VTCN1: variants seen among roughly 807,000 people sequenced by gnomAD.
The protein encoded by VTCN1 is V-set domain containing T cell activation inhibitor 1, also known as V-set domain-containing T-cell activation inhibitor 1.
In VTCN1, 26 loss-of-function variants were observed where a neutral mutation model predicts 26.5. That is an observed-to-expected ratio of 0.98 (90% CI 0.72 to 1.36). The LOEUF is 1.36. Ranked by LOEUF, VTCN1 falls within the 40% of genes most tolerant of loss-of-function variation. The probability of loss-of-function intolerance (pLI) is 0.00; values close to 1 mark genes in which losing one functional copy is unlikely to be tolerated. For synonymous variants in VTCN1, 116 were observed against 130.7 expected, an observed-to-expected ratio of 0.89 and a Z score of 0.77; for missense variants, 298 against 337.7, an observed-to-expected ratio of 0.88 and a Z score of 0.92.
chr1:117,206,083 G>T (rs1204619104), intron 1 of VTCN1, among the ~76,000 whole-genome samples: 1 of 151,968 alleles, frequency 6.6e-6, no homozygotes, highest in East Asian at 1.9e-4. Flanking sequence ...AGCATCCTCA[G>T]GTTTAGAGAA....
Position 117,147,517 on chromosome 1 carries a change from T to C in VTCN1, c.*45+96A>G. On this transcript the variant is annotated intron_variant, in intron 5 of 5. Transcript: ENST00000369458. The surrounding 1 kb of genome is among the most constrained non-coding windows in gnomAD (Gnocchi z 4.6). Reference sequence around the variant, plus strand: ...TCACAGCCCTGGTGTCATTAAATGTTTCTTTCTGTGGCTGATGCTGAAGGC... The same window carrying C: ...TCACAGCCCTGGTGTCATTAAATGTCTCTTTCTGTGGCTGATGCTGAAGGC... 1 of 1,051,944 alleles carries C rather than the reference T, an allele frequency of 9.5e-7. No individual in the cohort carries two copies. Among genetic ancestry groups the C allele is most frequent in the Non-Finnish European group, 1.3e-6 (1 of 746,758 alleles). The allele number at this position is 1,051,944 out of a possible 1,614,324, so 65.2% of individuals were successfully genotyped here.
At chr1:117,190,966 T>C (rs1648215872) in intron 1 of VTCN1, among the ~76,000 whole-genome samples, 1 of 152,038 alleles carries the variant, frequency 6.6e-6, no homozygotes, top group African/African-American at 2.4e-5. Flanking sequence ...TTTAAAATAA[T>C]CATCTTAAAG....
chr1:117,185,858 C>T (rs1486687569), intron 1 of VTCN1, among the ~76,000 whole-genome samples: 1 of 152,188 alleles, frequency 6.6e-6, no homozygotes. Flanking sequence ...TCCCACCTTT[C>T]CAGGTTGAAC....
intron 1 of VTCN1, among the ~76,000 whole-genome samples, chr1:117,178,623 C>T (rs1479351278): frequency 8.5e-6 from 1 of 117,974 alleles, no homozygotes; most frequent in African/African-American, 3.2e-5. Context: ...AGACAGGGCC[C>T]GGCTCTATTC....
chr1:117,199,227 T>TC, intron 1 of VTCN1, among the ~76,000 whole-genome samples: 1 of 151,700 alleles, frequency 6.6e-6, no homozygotes, highest in East Asian at 1.9e-4. Flanking sequence ...TAAACAGACT[T>TC]AAGTCTATAG....
intron 1 of VTCN1, among the ~76,000 whole-genome samples, chr1:117,171,037 T>C (rs1217386852): frequency 6.6e-6 from 1 of 150,594 alleles, no homozygotes; most frequent in Non-Finnish European, 1.5e-5. Flanking sequence ...CAGTGTGTGA[T>C]GTTCCCCTTC....
At chr1:117,188,649 A>G (rs929318083) in intron 1 of VTCN1, among the ~76,000 whole-genome samples, 1 of 152,208 alleles carries the variant, frequency 6.6e-6, no homozygotes, top group Non-Finnish European at 1.5e-5. Flanking sequence ...TAGGCATCTG[A>G]TAAATGCTAA....
In VTCN1 at chr1:117,199,383, T is replaced by C. The variant is rs539059260; in HGVS notation, c.32+11441A>G. Among the ~76,000 whole-genome samples the C allele has an allele frequency of 1.6e-4, 24 of 152,324 alleles. No homozygotes were observed. The South Asian group carries it at 5.0e-3, about 32-fold the overall frequency. ...CTCTGTCTCCCAGGTTGGAGTGCAA[T>C]GGCGCGATCTCTGCTCACTGCAAAC... On this transcript the variant is annotated intron_variant, in intron 1 of 5. Transcript: ENST00000369458.
At chr1:117,205,917 T>C (rs765744462) in intron 1 of VTCN1, among the ~76,000 whole-genome samples, 12 of 152,118 alleles carry the variant, frequency 7.9e-5, no homozygotes, top group Non-Finnish European at 1.8e-4. Flanking sequence ...TTGTTGTTCT[T>C]GGTGTCAGCA....
chr1:117,160,579 C>T (rs1652316057), intron 2 of VTCN1, among the ~76,000 whole-genome samples: 1 of 152,232 alleles, frequency 6.6e-6, no homozygotes, highest in East Asian at 1.9e-4. Flanking sequence ...ATAGTAAATG[C>T]TCCATACATA....
intron 4 of VTCN1, among the ~76,000 whole-genome samples, chr1:117,148,766 A>G (rs1462482309): frequency 6.6e-6 from 1 of 152,352 alleles, no homozygotes; most frequent in Non-Finnish European, 1.5e-5. Context: ...GAAGATCAAA[A>G]TATCACCTTT....
At chr1:117,198,840 G>GA (rs1648648068) in intron 1 of VTCN1, among the ~76,000 whole-genome samples, 1 of 152,178 alleles carries the variant, frequency 6.6e-6, no homozygotes, top group Admixed American at 6.5e-5. Flanking sequence ...TATGAGAGAG[G>GA]CAAGAGCATA....
chr1:117,174,625 G>GTT (rs1647220365), intron 1 of VTCN1, among the ~76,000 whole-genome samples: 1 of 152,152 alleles, frequency 6.6e-6, no homozygotes, highest in Admixed American at 6.6e-5. Context: ...AAATTAGCTG[G>GTT]GCGTGGTGGC....
chr1:117,179,287 T>C (rs1049023466), intron 1 of VTCN1, among the ~76,000 whole-genome samples: 2 of 152,138 alleles, frequency 1.3e-5, no homozygotes, highest in African/African-American at 2.4e-5. Flanking sequence ...TTTCCAGACG[T>C]GTCACCCCAG....
intron 3 of VTCN1, among the ~76,000 whole-genome samples, chr1:117,154,783 C>CAAAAA (rs916361996): frequency 3.8e-4 from 15 of 39,612 alleles, no homozygotes; most frequent in East Asian, 7.7e-4. Context: ...AACTCCATCT[C>CAAAAA]AAAAAAAAAA....
intron 1 of VTCN1, among the ~76,000 whole-genome samples, chr1:117,182,329 A>G (rs1259982905): frequency 1.3e-5 from 2 of 152,222 alleles, no homozygotes; most frequent in Non-Finnish European, 2.9e-5. Context: ...AAGATCTACC[A>G]GGAGTTCCAA....
At chr1:117,207,178 C>T (rs536639695) in intron 1 of VTCN1, among the ~76,000 whole-genome samples, 1 of 152,298 alleles carries the variant, frequency 6.6e-6, no homozygotes, top group South Asian at 2.1e-4. Context: ...ACTCCCTGAG[C>T]CTCCTTGTCC....
At chr1:117,151,306 C>A (rs891134857) in intron 4 of VTCN1, among the ~76,000 whole-genome samples, 2 of 152,018 alleles carry the variant, frequency 1.3e-5, no homozygotes, top group African/African-American at 4.8e-5. Context: ...TTGTTCCTCC[C>A]AGTGGGTTTG....
intron 1 of VTCN1, among the ~76,000 whole-genome samples, chr1:117,191,997 A>G (rs1648268688): frequency 6.8e-6 from 1 of 147,966 alleles, no homozygotes; most frequent in African/African-American, 2.6e-5. Flanking sequence ...AAAATTTCCC[A>G]ATTCTTAGGA....
Sources: allele counts gnomAD v4.1 joint callset (sites outside exome capture counted in the v4.1 genomes callset), GRCh38; gene constraint gnomAD v4.1.1; non-coding constraint Gnocchi (gnomAD v3.1); transcripts MANE v1.5; gene names NCBI Gene and HGNC (gene_info 2026-07-23, HGNC 2026-07-21).